The following NRG3 variants were observed in gnomAD, a reference collection of about 807,000 sequenced individuals.
NRG3 encodes the protein neuregulin 3.
In NRG3, 31 loss-of-function variants were observed where a neutral mutation model predicts 66.9. The observed-to-expected ratio is 0.46, with a 90% CI of 0.35 to 0.63. NRG3 has a LOEUF of 0.63. Ranked by LOEUF, NRG3 falls within the 20% of genes least tolerant of loss-of-function variation. The pLI is 0.00. For synonymous variants in NRG3, 393 were observed against 359.4 expected (o/e 1.09, Z -1.06); for missense variants, 910 against 878.9 (o/e 1.04, Z -0.45).
Position 82,349,607 on chromosome 10 carries a change from C to G in NRG3, c.824-9132C>G, listed in dbSNP as rs574265596. ...GTGGGCTCCACCCAGTTCGAGCTTC[C>G]CGGCTGCTTTGTTTACCTAAGCAAG... On this transcript the variant is annotated intron_variant, in intron 1 of 8. Transcript: ENST00000372141. 5.3e-5 allele frequency among the ~76,000 whole-genome samples: 8 copies of G among 152,118 alleles called. No individual in the cohort carries two copies. The East Asian group carries it at 1.4e-3, about 26-fold the overall frequency.
intron 2 of NRG3, among the ~76,000 whole-genome samples, chr10:82,423,755 A>C (rs1334245174): frequency 2.0e-5 from 3 of 151,990 alleles, no homozygotes; most frequent in African/African-American, 7.2e-5. Flanking sequence ...ATTTAATTTT[A>C]GCATATTTTC....
intron 1 of NRG3, among the ~76,000 whole-genome samples, chr10:82,111,013 G>A (rs894089775): frequency 6.6e-6 from 1 of 152,138 alleles, no homozygotes; most frequent in African/African-American, 2.4e-5. Flanking sequence ...TTGTGCTTTT[G>A]CAACTTTTCT....
chr10:82,161,150 T>C (rs1013307898), intron 1 of NRG3, among the ~76,000 whole-genome samples: 1 of 151,984 alleles, frequency 6.6e-6, no homozygotes, highest in African/African-American at 2.4e-5. Context: ...TATCAAGAAT[T>C]CAGGTGGGGA....
chr10:82,753,945 C>CAAAA (rs57793727), intron 3 of NRG3, among the ~76,000 whole-genome samples: 1 of 107,998 alleles, frequency 9.3e-6, no homozygotes, highest in Non-Finnish European at 2.0e-5. Flanking sequence ...GACTCCATCT[C>CAAAA]AAAAAAAAAA....
At chr10:82,356,878 A>G (rs187478817) in intron 1 of NRG3, among the ~76,000 whole-genome samples, 42 of 152,348 alleles carry the variant, frequency 2.8e-4, no homozygotes, top group Non-Finnish European at 4.4e-5. Flanking sequence ...GCTTTCATTT[A>G]TAGCATTTAA....
chr10:81,901,292 T>C (rs567100386), intron 1 of NRG3, among the ~76,000 whole-genome samples: 1 of 152,358 alleles, frequency 6.6e-6, no homozygotes, highest in South Asian at 2.1e-4. Flanking sequence ...TCCCTGTGCT[T>C]CCAGCACTGA....
At chr10:82,118,145 T>A (rs1353154357) in intron 1 of NRG3, among the ~76,000 whole-genome samples, 4 of 151,534 alleles carry the variant, frequency 2.6e-5, no homozygotes, top group African/African-American at 9.7e-5. Flanking sequence ...CTCTGGTAGC[T>A]GGTAGAATCA....
At chr10:82,400,819 G>C (rs1411701495) in intron 2 of NRG3, among the ~76,000 whole-genome samples, 1 of 151,960 alleles carries the variant, frequency 6.6e-6, no homozygotes, top group African/African-American at 2.4e-5. Flanking sequence ...AAGCCATCCT[G>C]CTGCCTCAGG....
chr10:81,994,596 T>C (rs1228109441), intron 1 of NRG3, among the ~76,000 whole-genome samples: 1 of 152,158 alleles, frequency 6.6e-6, no homozygotes, highest in Non-Finnish European at 1.5e-5. Flanking sequence ...GGAAAGAATT[T>C]GTATATGAGA....
chr10:82,866,577 G>GT (rs1236777367), intron 4 of NRG3, among the ~76,000 whole-genome samples: 1 of 152,158 alleles, frequency 6.6e-6, no homozygotes, highest in African/African-American at 2.4e-5. Context: ...CAGGCTTGCG[G>GT]TTTTGTTGGA....
chr10:82,528,470 A>G (rs914936263), intron 2 of NRG3, among the ~76,000 whole-genome samples: 8 of 152,200 alleles, frequency 5.3e-5, no homozygotes, highest in Admixed American at 5.2e-4. Context: ...TATTGAAGAC[A>G]TTATCCCTGG....
At chr10:82,028,564 T>C (rs547979638) in intron 1 of NRG3, among the ~76,000 whole-genome samples, 1 of 152,258 alleles carries the variant, frequency 6.6e-6, no homozygotes, top group African/African-American at 2.4e-5. Context: ...TTTTTCACTT[T>C]GGCCAAATTG....
intron 1 of NRG3, among the ~76,000 whole-genome samples, chr10:82,188,386 A>G (rs2073935804): frequency 6.6e-6 from 1 of 152,156 alleles, no homozygotes; most frequent in Non-Finnish European, 1.5e-5. Context: ...AATATCTAGG[A>G]CATTGGTCTA....
chr10:82,868,942 T>C (rs1441583843), intron 4 of NRG3, among the ~76,000 whole-genome samples: 2 of 152,144 alleles, frequency 1.3e-5, no homozygotes, highest in Non-Finnish European at 2.9e-5. Context: ...TCTGCCCTCC[T>C]CAGCCTCCCA....
At chr10:82,474,297 A>G (rs1307350729) in intron 2 of NRG3, among the ~76,000 whole-genome samples, 1 of 152,128 alleles carries the variant, frequency 6.6e-6, no homozygotes, top group African/African-American at 2.4e-5. Flanking sequence ...CTTACTAGAT[A>G]AAGACTTTTA....
chr10:82,681,974 G>C (rs762000256), intron 2 of NRG3, among the ~76,000 whole-genome samples: 1 of 152,200 alleles, frequency 6.6e-6, no homozygotes, highest in Non-Finnish European at 1.5e-5. Flanking sequence ...CGTAAGCTCA[G>C]TTCTCAACAA....
intron 1 of NRG3, among the ~76,000 whole-genome samples, chr10:82,170,673 TATATATATATATATATATATATATGTAA>T (rs1379928803): frequency 1.8e-5 from 2 of 109,964 alleles, no homozygotes; most frequent in African/African-American, 4.2e-5. Flanking sequence ...TATATATATA[TATATATATATATATATATATATATGTAA>T]ATATATATAG....
chr10:82,464,084 G>C (rs975792370), intron 2 of NRG3, among the ~76,000 whole-genome samples: 1 of 152,124 alleles, frequency 6.6e-6, no homozygotes, highest in Non-Finnish European at 1.5e-5. Context: ...TGAATCAGGT[G>C]GGGAAATGAA....
chr10:82,339,786 T>A (rs1374549799), intron 1 of NRG3, among the ~76,000 whole-genome samples: 1 of 151,822 alleles, frequency 6.6e-6, no homozygotes, highest in African/African-American at 2.4e-5. Flanking sequence ...CATGCCTGCA[T>A]TTCCTCTCCT....
Sources: allele counts gnomAD v4.1 joint callset (sites outside exome capture counted in the v4.1 genomes callset), GRCh38; gene constraint gnomAD v4.1.1; transcripts MANE v1.5; gene names NCBI Gene and HGNC (gene_info 2026-07-23, HGNC 2026-07-21).